Variants in SLC25A21 observed in about 807,000 individuals in gnomAD.
SLC25A21 encodes solute carrier family 25 member 21.
SLC25A21 carries 47 observed loss-of-function variants against 43.8 expected under a neutral mutation model. The ratio of observed to expected loss-of-function variants is 1.07; its 90% CI spans 0.85 to 1.37. The LOEUF (loss-of-function observed/expected upper bound fraction) is 1.37, where lower values mean the gene tolerates loss of function less well. Among genes scored for constraint, SLC25A21 ranks in the 40% most tolerant of loss-of-function variants. SLC25A21 has a pLI of 0.00. For missense variants in SLC25A21, 352 were observed against 350.2 expected, an observed-to-expected ratio of 1.00 and a Z score of -0.04; for synonymous variants, 131 against 121.3, an observed-to-expected ratio of 1.08 and a Z score of -0.52.
At chr14:36,992,508 C>A (rs1258277556) in intron 1 of SLC25A21, among the ~76,000 whole-genome samples, 1 of 152,166 alleles carries the variant, frequency 6.6e-6, no homozygotes, top group African/African-American at 2.4e-5. Context: ...CTGGCTCAAG[C>A]CCTGAGTCAG....
intron 1 of SLC25A21, among the ~76,000 whole-genome samples, chr14:37,143,193 T>A (rs1282716000): frequency 6.6e-6 from 1 of 152,220 alleles, no homozygotes; most frequent in African/African-American, 2.4e-5. Context: ...TAAAAAAGTT[T>A]GGACAAAAAG....
At chr14:37,145,024 T>C (rs1963638928) in intron 1 of SLC25A21, among the ~76,000 whole-genome samples, 1 of 152,072 alleles carries the variant, frequency 6.6e-6, no homozygotes, top group Non-Finnish European at 1.5e-5. Flanking sequence ...TAATAATAAC[T>C]AACACAGAGC....
chr14:36,683,836 A>G lies in SLC25A21; in HGVS notation c.830T>C (p.Leu277Pro). 1 of 1,603,920 alleles carries G rather than the reference A, an allele frequency of 6.2e-7. No individual in the cohort carries two copies. Among genetic ancestry groups the G allele is most frequent in the Non-Finnish European group, 8.5e-7 (1 of 1,173,792 alleles). Residue 277 changes from leucine to proline, a missense_variant, in exon 9 of 10, where the codon CTT becomes CCT. Physicochemically the swap from Leu to Pro is moderately conservative, Grantham distance 98 (BLOSUM62 -3). Transcript: ENST00000331299. ...ATCAAAATTATCATTACCTGGTCCA[A>G]GTCTCATAATCTTGGGAAGCAGGCC... ...YKGLLPKIMRLGPGGAVMLLV... is the reference protein window; with the variant it reads ...YKGLLPKIMRPGPGGAVMLLV...
At chr14:36,878,847 T>A (rs1041118813) in intron 1 of SLC25A21, among the ~76,000 whole-genome samples, 1 of 152,176 alleles carries the variant, frequency 6.6e-6, no homozygotes, top group African/African-American at 2.4e-5. Flanking sequence ...TGGCATTTAT[T>A]ACACTCACCA....
intron 1 of SLC25A21, among the ~76,000 whole-genome samples, chr14:37,043,915 T>C (rs1479195969): frequency 6.8e-6 from 1 of 146,598 alleles, no homozygotes; most frequent in Non-Finnish European, 1.5e-5. Flanking sequence ...TTTTGTTTTT[T>C]GTTTTGTTTG....
intron 2 of SLC25A21, among the ~76,000 whole-genome samples, chr14:36,850,038 T>C (rs560478322): frequency 2.0e-5 from 3 of 152,222 alleles, no homozygotes; most frequent in Admixed American, 1.3e-4. Context: ...GAACAGGTAA[T>C]TGGCAATACT....
chr14:36,712,416 G>A (rs1248602655), intron 6 of SLC25A21, among the ~76,000 whole-genome samples: 1 of 151,852 alleles, frequency 6.6e-6, no homozygotes, highest in Non-Finnish European at 1.5e-5. Context: ...CACTAAAGCA[G>A]GTTGTTAGCG....
At chr14:37,140,546 G>A (rs765976608) in intron 1 of SLC25A21, among the ~76,000 whole-genome samples, 32 of 152,158 alleles carry the variant, frequency 2.1e-4, no homozygotes, top group Admixed American at 3.9e-4. Flanking sequence ...AGAATTGAAC[G>A]AGAGCATAAA....
chr14:36,869,508 C>T (rs1890306735), intron 2 of SLC25A21, among the ~76,000 whole-genome samples: 1 of 152,172 alleles, frequency 6.6e-6, no homozygotes, highest in Non-Finnish European at 1.5e-5. Context: ...CCTGGGATAT[C>T]CCTGGGATGC....
intron 3 of SLC25A21, among the ~76,000 whole-genome samples, chr14:36,767,442 G>A (rs1370952408): frequency 6.6e-6 from 1 of 152,194 alleles, no homozygotes; most frequent in Non-Finnish European, 1.5e-5. Flanking sequence ...TCCTCTTAGA[G>A]TGGAAAATAA....
chr14:36,969,225 G>T (rs891537560), intron 1 of SLC25A21, among the ~76,000 whole-genome samples: 4 of 152,124 alleles, frequency 2.6e-5, no homozygotes, highest in Non-Finnish European at 1.5e-5. Flanking sequence ...GCCCACCAAA[G>T]TTGATGTTCC....
intron 1 of SLC25A21, among the ~76,000 whole-genome samples, chr14:37,154,326 A>C (rs983956173): frequency 3.3e-5 from 5 of 152,218 alleles, no homozygotes; most frequent in Non-Finnish European, 5.9e-5. Context: ...ATTAAAAGCC[A>C]AAGTGCCCTA....
chr14:36,921,702 C>T (rs868366772), intron 1 of SLC25A21, among the ~76,000 whole-genome samples: 2 of 152,124 alleles, frequency 1.3e-5, no homozygotes, highest in Non-Finnish European at 2.9e-5. Context: ...TTGAAAGGGA[C>T]AAGAGCAGGC....
In SLC25A21 at chr14:36,756,206, C is replaced by T. The variant is rs538571705; in HGVS notation, c.204-21633G>A. ...CCAGGGCCTGGGTGGAGAAGGGAAGCGGGGGCAGCTGAGGGAAGGTGGATG... is the reference window on the plus strand; with the variant it reads ...CCAGGGCCTGGGTGGAGAAGGGAAGTGGGGGCAGCTGAGGGAAGGTGGATG... On this transcript the variant is annotated intron_variant, in intron 3 of 9. Coordinates refer to ENST00000331299, the MANE Select transcript of SLC25A21 (RefSeq NM_030631.4). Among the ~76,000 whole-genome samples, 30 of 152,160 alleles carry T rather than the reference C, an allele frequency of 2.0e-4. No individual in the cohort carries two copies. The South Asian group carries it at 4.2e-3, about 21-fold the overall frequency.
In SLC25A21 at chr14:36,683,738, A is replaced by T. The variant is rs1882397980; in HGVS notation, c.838+90T>A. ...GGTTTCTGTCTTTTACAAAGTGGTA[A>T]ATATTTTGTTGCTGATGGACACAAA... On this transcript the variant is annotated intron_variant, in intron 9 of 9. Coordinates refer to ENST00000331299, the MANE Select transcript of SLC25A21 (RefSeq NM_030631.4). 3 of 901,582 alleles carry T rather than the reference A, an allele frequency of 3.3e-6. No homozygotes were observed. In the African/African-American group the frequency reaches 5.1e-5, roughly 15 times the overall value. 55.8% of individuals were successfully genotyped at this position (901,582 alleles called of 1,614,324 possible).
intron 1 of SLC25A21, among the ~76,000 whole-genome samples, chr14:37,053,245 T>C (rs1398625653): frequency 1.3e-5 from 2 of 152,276 alleles, no homozygotes; most frequent in Non-Finnish European, 2.9e-5. Context: ...GTATAGAGCC[T>C]AACAGACTCA....
At chr14:37,089,908 A>C (rs1056687527) in intron 1 of SLC25A21, among the ~76,000 whole-genome samples, 1 of 152,204 alleles carries the variant, frequency 6.6e-6, no homozygotes, top group Non-Finnish European at 1.5e-5. Flanking sequence ...CCCGTGCTAA[A>C]TTCATTTATT....
At chr14:37,101,516 T>C (rs1962816615) in intron 1 of SLC25A21, among the ~76,000 whole-genome samples, 1 of 152,156 alleles carries the variant, frequency 6.6e-6, no homozygotes, top group Non-Finnish European at 1.5e-5. Flanking sequence ...AAAAGCCAGA[T>C]AAATGAAAAA....
intron 3 of SLC25A21, among the ~76,000 whole-genome samples, chr14:36,761,395 C>T (rs1022087785): frequency 5.9e-5 from 9 of 152,194 alleles, no homozygotes; most frequent in African/African-American, 1.9e-4. Flanking sequence ...TCAGAAGATG[C>T]GAACCAGGAA....
Sources: gnomAD v4.1 joint callset for allele counts (sites outside exome capture counted in the v4.1 genomes callset) on GRCh38, gnomAD v4.1.1 for gene constraint, MANE v1.5 for transcripts, NCBI Gene and HGNC (gene_info 2026-07-23, HGNC 2026-07-21) for gene names.